The following DCUN1D3 variants were observed in gnomAD, a reference collection of about 807,000 sequenced individuals.
DCUN1D3 encodes DCN1-like protein 3.
In DCUN1D3, 6 loss-of-function variants were observed where a neutral mutation model predicts 24.8. The observed-to-expected ratio is 0.24, with a 90% CI of 0.13 to 0.48. The LOEUF is 0.48. Among genes scored for constraint, DCUN1D3 ranks in the 20% least tolerant of loss-of-function variants. DCUN1D3 has a pLI of 0.99. For missense variants in DCUN1D3, 258 were observed against 379.4 expected (o/e 0.68, Z 2.66); for synonymous variants, 120 against 144.9 (o/e 0.83, Z 1.24).
At chr16:20,861,404 C>T (rs1165781464) in intron 2 of DCUN1D3, among the ~76,000 whole-genome samples, 1 of 151,242 alleles carries the variant, frequency 6.6e-6, no homozygotes, top group African/African-American at 2.4e-5. Flanking sequence ...CGTATCCCCT[C>T]CCCAGAGGCA....
chr16:20,876,124 G>T (rs1248648160), intron 1 of DCUN1D3, among the ~76,000 whole-genome samples: 1 of 151,950 alleles, frequency 6.6e-6, no homozygotes, highest in Non-Finnish European at 1.5e-5. Context: ...ATGCCACCAG[G>T]CCCAGCTCAT....
chr16:20,892,730 T>C (rs1596641316), intron 1 of DCUN1D3, among the ~76,000 whole-genome samples: 1 of 151,900 alleles, frequency 6.6e-6, no homozygotes, highest in Non-Finnish European at 1.5e-5. Flanking sequence ...AAACTTACAG[T>C]GCACTGACCA....
At chr16:20,893,261 C>G (rs1423793111) in intron 1 of DCUN1D3, among the ~76,000 whole-genome samples, 1 of 151,946 alleles carries the variant, frequency 6.6e-6, no homozygotes, top group Non-Finnish European at 1.5e-5. Flanking sequence ...GCAGCCTGAC[C>G]TTCTGGGCTC....
chr16:20,862,071 A>G (rs756434835), intron 2 of DCUN1D3, 37 bp downstream of exon 2: 3 of 1,601,944 alleles, frequency 1.9e-6, no homozygotes, highest in African/African-American at 2.7e-5. Context: ...CCTTTCCTCC[A>G]CTGCTCACCT....
chr16:20,895,970 A>T (rs974965149), intron 1 of DCUN1D3, among the ~76,000 whole-genome samples: 1 of 152,248 alleles, frequency 6.6e-6, no homozygotes, highest in Non-Finnish European at 1.5e-5. Flanking sequence ...GTCCCAGACT[A>T]CTTCAAGTAC....
At chr16:20,863,336 C>A (rs995856514) in intron 1 of DCUN1D3, among the ~76,000 whole-genome samples, 7 of 152,206 alleles carry the variant, frequency 4.6e-5, no homozygotes, top group Admixed American at 3.3e-4. Context: ...TTCTTCTCCC[C>A]CAGGTCCTCA....
intron 1 of DCUN1D3, among the ~76,000 whole-genome samples, chr16:20,873,057 G>A (rs1299351303): frequency 6.6e-6 from 1 of 151,908 alleles, no homozygotes; most frequent in African/African-American, 2.4e-5. Flanking sequence ...GGGAGGCAGA[G>A]GTAGCAGTGA....
chr16:20,882,763 A>G (rs1256583855), intron 1 of DCUN1D3, among the ~76,000 whole-genome samples: 1 of 152,256 alleles, frequency 6.6e-6, no homozygotes, highest in East Asian at 1.9e-4. Flanking sequence ...AGTCTTTCAG[A>G]AAAATTCAGA....
chr16:20,882,731 C>T (rs1004457844), intron 1 of DCUN1D3, among the ~76,000 whole-genome samples: 1 of 152,198 alleles, frequency 6.6e-6, no homozygotes, highest in African/African-American at 2.4e-5. Context: ...TCCTGAAACA[C>T]GATGTGTCCA....
chr16:20,859,952 T>C lies in DCUN1D3; in HGVS notation c.849A>G (p.Arg283=), dbSNP rs376989046. 1.8e-5 allele frequency: 29 copies of C among 1,614,102 alleles called. No homozygotes were observed. The African/African-American group carries it at 3.9e-4, about 22-fold the overall frequency. ...TGAGTGCACCTCTCCCTTCCCCTTC[T>C]CTTTTCCTTCGCTCCATTTCCCACT... is the stretch of plus-strand genomic sequence containing the variant. ...FVEWEMERRK[R]EGEGRGALSS... is the part of the protein sequence containing the mutation. Residue 283 remains arginine (R), a synonymous_variant, in exon 3 of 3, where the codon AGA becomes AGG. Transcript: ENST00000324344.
intron 1 of DCUN1D3, among the ~76,000 whole-genome samples, chr16:20,898,429 T>C (rs1437657929): frequency 6.6e-6 from 1 of 152,246 alleles, no homozygotes; most frequent in Non-Finnish European, 1.5e-5. Context: ...TTCACCTGTG[T>C]ACACCCAGTG....
intron 1 of DCUN1D3, among the ~76,000 whole-genome samples, chr16:20,896,614 G>A (rs2081917145): frequency 6.6e-6 from 1 of 151,928 alleles, no homozygotes; most frequent in East Asian, 1.9e-4. Context: ...TCAGCCTACA[G>A]GATATTTTCA....
At chr16:20,899,015 C>T (rs9921200) in intron 1 of DCUN1D3, among the ~76,000 whole-genome samples, 29,626 of 152,152 alleles carry the variant, frequency 0.19, 3,313 homozygotes, top group African/African-American at 0.31. Flanking sequence ...ACAGATCACA[C>T]TGTCTCATTT....
chr16:20,884,374 T>G (rs1596638223), intron 1 of DCUN1D3, among the ~76,000 whole-genome samples: 1 of 152,312 alleles, frequency 6.6e-6, no homozygotes, highest in Non-Finnish European at 1.5e-5. Context: ...AAACTTGGTC[T>G]GCAGACCAAG....
At position 20,862,215 on chromosome 16, in the gene DCUN1D3, C is replaced by T. The variant is rs779513621; in HGVS notation, c.324G>A (p.Glu108=). Residue 108 remains glutamate (E), a synonymous_variant, in exon 2 of 3, where the codon GAG becomes GAA. Transcript: ENST00000324344. ...YKDEREDAIL[E]EGMERFCNDL... ...CATTGCAAAAGCGCTCCATGCCTTC[C>T]TCCAAAATTGCATCTTCCCGCTCAT... 5 of 1,614,254 alleles carry T rather than the reference C, an allele frequency of 3.1e-6. No homozygotes were observed. In the South Asian group the frequency reaches 4.4e-5, roughly 14 times the overall value.
intron 1 of DCUN1D3, among the ~76,000 whole-genome samples, chr16:20,895,255 T>G (rs917762356): frequency 2.3e-4 from 11 of 46,948 alleles, no homozygotes; most frequent in Non-Finnish European, 3.9e-4. Context: ...CCACCATGCC[T>G]GGCTAAGTTT....
At chr16:20,883,201 T>G (rs2081852921) in intron 1 of DCUN1D3, among the ~76,000 whole-genome samples, 1 of 152,172 alleles carries the variant, frequency 6.6e-6, no homozygotes, top group African/African-American at 2.4e-5. Context: ...CTTCAGTACT[T>G]TAAAAGTGTG....
In DCUN1D3 at chr16:20,857,926, A is replaced by C. The variant is rs1483426303; in HGVS notation, c.*1960T>G. On this transcript the variant is annotated 3_prime_UTR_variant, in exon 3 of 3. Coordinates refer to ENST00000324344, the MANE Select transcript of DCUN1D3 (RefSeq NM_173475.4). ...TTAATAATCCTTAAGATGGGAGCCC[A>C]GAGCTGTAAGGCTGCTCACAATGGA... is the stretch of plus-strand genomic sequence containing the variant. The C allele has an allele frequency of 1.3e-5, 2 of 152,572 alleles. No individual in the cohort carries two copies. Among genetic ancestry groups the C allele is most frequent in the African/African-American group, 4.8e-5 (2 of 41,466 alleles). The allele number at this position is 152,572 out of a possible 1,614,324, so 9.5% of individuals were successfully genotyped here.
chr16:20,870,772 T>C (rs1394774127), intron 1 of DCUN1D3, among the ~76,000 whole-genome samples: 1 of 152,228 alleles, frequency 6.6e-6, no homozygotes, highest in African/African-American at 2.4e-5. Flanking sequence ...GCCCATCTTT[T>C]CAACTTTCAT....
Sources: allele counts gnomAD v4.1 joint callset (sites outside exome capture counted in the v4.1 genomes callset), GRCh38; gene constraint gnomAD v4.1.1; transcripts MANE v1.5; gene names NCBI Gene and HGNC (gene_info 2026-07-23, HGNC 2026-07-21).